PLCE1: variants seen among roughly 807,000 people sequenced by gnomAD.
PLCE1 encodes the protein 1-phosphatidylinositol 4,5-bisphosphate phosphodiesterase epsilon-1.
A neutral mutation model predicts 242.8 loss-of-function variants in PLCE1; 119 were observed. That is an observed-to-expected ratio of 0.49 (90% CI 0.42 to 0.57). The LOEUF is 0.57. Among genes scored for constraint, PLCE1 ranks in the 20% least tolerant of loss-of-function variants. The pLI, the probability that PLCE1 is intolerant of heterozygous loss-of-function variation, is 0.00. For synonymous variants in PLCE1, 945 were observed against 1,017.4 expected (o/e 0.93, Z 1.35); for missense variants, 2,441 against 2,788.8 (o/e 0.88, Z 2.81).
chr10:94,103,602 A>C (rs575584857), intron 2 of PLCE1, among the ~76,000 whole-genome samples: 2 of 152,222 alleles, frequency 1.3e-5, no homozygotes, highest in Non-Finnish European at 2.9e-5. Flanking sequence ...GTACCTATGT[A>C]AGAAAACTGC....
At position 94,306,644 on chromosome 10, in the gene PLCE1, C is replaced by T. The variant is rs763348713; in HGVS notation, c.5840C>T (p.Ala1947Val). 2.2e-5 allele frequency: 36 copies of T among 1,613,958 alleles called. No individual in the cohort carries two copies. The highest frequency in any genetic ancestry group is 3.3e-4 in the Middle Eastern group (2 of 6,062). ...RFAVVENNSS[A>V]VTAQRIIPLK... ...GCAGTTGTGGAAAACAATAGTTCAG[C>T]GGTAACTGCTCAGAGAATCATTCCA... The change falls in exon 26 of 33, where the codon GCG becomes GTG. Residue 1947 changes from alanine to valine, a missense_variant. Ala to Val is a moderately conservative substitution (Grantham distance 64). Around this residue, in one of 5 missense-constraint regions of PLCE1, gnomAD observed 1,004 missense variants for 1,322.7 expected, o/e 0.76. Transcript: ENST00000371380. This position sits in a 1 kb window ranked among gnomAD's most constrained non-coding sequence, Gnocchi z 5.7.
At chr10:94,073,500 C>T (rs570249224) in intron 2 of PLCE1, among the ~76,000 whole-genome samples, 2 of 152,050 alleles carry the variant, frequency 1.3e-5, no homozygotes, top group South Asian at 2.1e-4. Context: ...GGTGAAGATA[C>T]GGAAGCAGAA....
intron 2 of PLCE1, among the ~76,000 whole-genome samples, chr10:94,064,015 G>A (rs1158584131): frequency 6.6e-6 from 1 of 152,118 alleles, no homozygotes; most frequent in Non-Finnish European, 1.5e-5. Flanking sequence ...GAGTGGGTGA[G>A]GGTACTGAGA....
rs552744245 is a variant in PLCE1 at position 94,207,562 on chromosome 10, T to G, written c.1810-19744T>G. ...GTGTGTGTGTGTGTGTGTATAGACT[T>G]TTTTTTTCAAGCTCTGTCTGTCTAG... is the stretch of plus-strand genomic sequence containing the variant. On this transcript the variant is annotated intron_variant, in intron 4 of 32. Coordinates refer to ENST00000371380, the MANE Select transcript of PLCE1 (RefSeq NM_016341.4). 3.3e-5 allele frequency among the ~76,000 whole-genome samples: 5 copies of G among 151,594 alleles called. No individual in the cohort carries two copies. In the East Asian group the frequency reaches 9.7e-4, roughly 29 times the overall value.
chr10:94,088,134 A>T (rs1343578416), intron 2 of PLCE1: 2 of 152,264 alleles, frequency 1.3e-5, no homozygotes, highest in Admixed American at 6.5e-5. Context: ...CTAATAGCTT[A>T]CCACTACTTG....
At chr10:94,227,169 G>T (rs558205428) in intron 4 of PLCE1, 137 bp from the exon 5 acceptor site, 1 of 786,370 alleles carries the variant, frequency 1.3e-6, no homozygotes, top group Non-Finnish European at 2.2e-6. Context: ...GAACCACCAC[G>T]CCCAGCCAGG....
chr10:94,087,308 C>T (rs1026592940), intron 2 of PLCE1, among the ~76,000 whole-genome samples: 1 of 145,238 alleles, frequency 6.9e-6, no homozygotes, highest in Non-Finnish European at 1.5e-5. Flanking sequence ...TGTGATCACG[C>T]CACTGCACTC....
chr10:94,321,255 C>T (rs550769409), intron 29 of PLCE1, among the ~76,000 whole-genome samples: 4 of 152,334 alleles, frequency 2.6e-5, no homozygotes, highest in Admixed American at 6.5e-5. Flanking sequence ...ATACAATTTA[C>T]TGTGTTCTTA....
At position 94,090,284 on chromosome 10, in the gene PLCE1, G is replaced by A. The variant is rs557029471; in HGVS notation, c.1207-41890G>A. ...ACTGTGTTTAAGGAATTCAAGCTAT[G>A]AAGACTACTCTTGAAATGGCTCACA... On this transcript the variant is annotated intron_variant, in intron 2 of 32. Transcript: ENST00000371380. Among the ~76,000 whole-genome samples, 9 of 152,254 alleles carry A rather than the reference G, an allele frequency of 5.9e-5. No homozygotes were observed. The South Asian group carries it at 1.9e-3, about 32-fold the overall frequency.
chr10:94,076,113 GTT>G (rs1051950110), intron 2 of PLCE1, among the ~76,000 whole-genome samples: 2 of 129,850 alleles, frequency 1.5e-5, no homozygotes, highest in African/African-American at 3.4e-5. Context: ...CTGTGTGTGT[GTT>G]TGTGTGTGTG....
intron 22 of PLCE1, 106 bp downstream of exon 22, chr10:94,285,071 G>A: frequency 1.4e-6 from 1 of 727,598 alleles, no homozygotes; most frequent in Non-Finnish European, 2.5e-6. Flanking sequence ...ACTAAATTGT[G>A]TTGCTGAAAT....
intron 11 of PLCE1, 108 bp downstream of exon 11, chr10:94,255,157 T>A: frequency 7.2e-7 from 1 of 1,388,566 alleles, no homozygotes; most frequent in Non-Finnish European, 1.0e-6. Context: ...CATTTTGATG[T>A]ATAGTTGAAC....
chr10:94,295,956 C>T (rs545327494), intron 23 of PLCE1, among the ~76,000 whole-genome samples: 2 of 152,324 alleles, frequency 1.3e-5, no homozygotes, highest in South Asian at 2.1e-4. Flanking sequence ...GCATTAGCCC[C>T]TAACAAGAGA....
chr10:94,201,621 G>A (rs965082690), intron 4 of PLCE1, among the ~76,000 whole-genome samples: 2 of 152,056 alleles, frequency 1.3e-5, no homozygotes, highest in Non-Finnish European at 2.9e-5. Flanking sequence ...GACCACAGGC[G>A]CCTGCCACCA....
At chr10:94,171,146 T>C in intron 3 of PLCE1, 34 bp from the exon 4 acceptor site, 2 of 1,583,268 alleles carry the variant, frequency 1.3e-6, no homozygotes, top group Non-Finnish European at 1.7e-6. Flanking sequence ...ACACCAGATT[T>C]GATGTAACCA....
chr10:94,266,588 T>G (rs1047127104), intron 16 of PLCE1, among the ~76,000 whole-genome samples: 4 of 152,214 alleles, frequency 2.6e-5, no homozygotes, highest in Non-Finnish European at 5.9e-5. Flanking sequence ...GTCCATTGCC[T>G]CTCTGCTGGA....
At chr10:94,279,063 C>T (rs182890599) in intron 19 of PLCE1, among the ~76,000 whole-genome samples, 31 of 152,274 alleles carry the variant, frequency 2.0e-4, no homozygotes, top group African/African-American at 5.8e-4. Context: ...TCCTCTACCC[C>T]GTTTAGATTG....
At chr10:94,123,682 C>A (rs149704296) in intron 2 of PLCE1, among the ~76,000 whole-genome samples, 34 of 152,316 alleles carry the variant, frequency 2.2e-4, no homozygotes, top group African/African-American at 7.9e-4. Flanking sequence ...CACAGACACC[C>A]ATCAGACATG....
At position 94,073,580 on chromosome 10, in the gene PLCE1, G is replaced by A. The variant is rs895405340; in HGVS notation, c.1206+41328G>A. ...ATGATTCAATAAATAGAAGCCAATC[G>A]ATCAATTTAGTTCATTTCCTCTTCC... On this transcript the variant is annotated intron_variant, in intron 2 of 32. Coordinates refer to ENST00000371380, the MANE Select transcript of PLCE1 (RefSeq NM_016341.4). 3.9e-5 allele frequency among the ~76,000 whole-genome samples: 6 copies of A among 152,178 alleles called. No homozygotes were observed. The East Asian group carries it at 7.7e-4, about 20-fold the overall frequency.
Sources: gnomAD v4.1 joint callset for allele counts (sites outside exome capture counted in the v4.1 genomes callset) on GRCh38, gnomAD v4.1.1 for gene constraint, gnomAD v4.1.1 regional missense constraint, Gnocchi (gnomAD v3.1) non-coding constraint, MANE v1.5 for transcripts, NCBI Gene and HGNC (gene_info 2026-07-23, HGNC 2026-07-21) for gene names.